Variants in GNG2 observed in about 807,000 individuals in gnomAD.
The protein encoded by GNG2 is G protein subunit gamma 2.
GNG2 carries 5 observed loss-of-function variants against 5.5 expected under a neutral mutation model. The ratio of observed to expected loss-of-function variants is 0.91; its 90% confidence interval spans 0.48 to 1.92. The LOEUF (loss-of-function observed/expected upper bound fraction) is 1.92. GNG2 is among the 30% of genes most tolerant of loss of function. The probability of loss-of-function intolerance (pLI) is 0.01; values close to 1 mark genes in which losing one functional copy is unlikely to be tolerated. For synonymous variants in GNG2, 28 were observed against 32.0 expected (o/e 0.88, Z 0.42); for missense variants, 55 against 88.4 (o/e 0.62, Z 1.52).
intron 2 of GNG2, among the ~76,000 whole-genome samples, chr14:51,908,811 C>T (rs1886119007): frequency 6.9e-6 from 1 of 144,328 alleles, no homozygotes; most frequent in South Asian, 2.2e-4. Flanking sequence ...AACTCCTGAC[C>T]CAGTGGTCTA....
chr14:51,931,352 C>T (rs1887648031), intron 2 of GNG2, among the ~76,000 whole-genome samples: 1 of 152,074 alleles, frequency 6.6e-6, no homozygotes, highest in South Asian at 2.1e-4. Context: ...ATGGGAAAGA[C>T]TGTAAGAAGA....
chr14:51,930,518 C>T (rs1333518206), intron 2 of GNG2, among the ~76,000 whole-genome samples: 1 of 152,238 alleles, frequency 6.6e-6, no homozygotes, highest in African/African-American at 2.4e-5. Flanking sequence ...GTCACGTCAC[C>T]TGATCTCTCT....
At chr14:51,827,825 G>A in intron 2 of GNG2, 1 of 675,950 alleles carries the variant, frequency 1.5e-6, no homozygotes, top group Non-Finnish European at 2.7e-6. Flanking sequence ...TCAACAAATG[G>A]TGATGGAAGG....
At position 51,968,914 on chromosome 14, in the gene GNG2, A is replaced by G. The variant is rs895962539; in HGVS notation, c.*2227A>G. 1 of 152,200 alleles carries G rather than the reference A, an allele frequency of 6.6e-6. No homozygotes were observed. The highest frequency in any genetic ancestry group is 1.5e-5 in the Non-Finnish European group (1 of 68,034). 9.4% of individuals were successfully genotyped at this position (152,200 alleles called of 1,614,324 possible). A position where few individuals can be genotyped will look rare whatever the true frequency, so the allele number is the denominator to read the frequency against. On this transcript the variant is annotated 3_prime_UTR_variant, in exon 4 of 4. Coordinates refer to ENST00000556766, the MANE Select transcript of GNG2 (RefSeq NM_053064.5). ...GTAAATCTAGATCTTTGGAGCAATT[A>G]AGATGGAATTACAATTTCTAGGGAG...
At chr14:51,851,608 T>C (rs1881911650) in intron 2 of GNG2, among the ~76,000 whole-genome samples, 1 of 152,238 alleles carries the variant, frequency 6.6e-6, no homozygotes, top group African/African-American at 2.4e-5. Context: ...AAAGATGTTT[T>C]TATTTTCCCA....
At chr14:51,845,541 G>T (rs1881599696) in intron 2 of GNG2, among the ~76,000 whole-genome samples, 1 of 152,078 alleles carries the variant, frequency 6.6e-6, no homozygotes, top group South Asian at 2.1e-4. Flanking sequence ...AGATCTTAGA[G>T]GCAATCTTGC....
At chr14:51,862,800 A>T (rs1472948705) in intron 1 of GNG2, among the ~76,000 whole-genome samples, 1 of 152,258 alleles carries the variant, frequency 6.6e-6, no homozygotes, top group Non-Finnish European at 1.5e-5. Context: ...AACATTAGTG[A>T]GTAACAGCAG....
chr14:51,929,260 A>T (rs1279465007), intron 2 of GNG2, among the ~76,000 whole-genome samples: 1 of 152,188 alleles, frequency 6.6e-6, no homozygotes, highest in Non-Finnish European at 1.5e-5. Context: ...TTTCCTTTCC[A>T]GCTATTTTAA....
intron 2 of GNG2, among the ~76,000 whole-genome samples, chr14:51,835,885 C>T (rs1357014192): frequency 6.6e-6 from 1 of 151,960 alleles, no homozygotes; most frequent in East Asian, 1.9e-4. Flanking sequence ...TTTAAATGTC[C>T]AGTCTTAGAA....
chr14:51,936,184 T>G (rs1055129083), intron 2 of GNG2, among the ~76,000 whole-genome samples: 1 of 152,230 alleles, frequency 6.6e-6, no homozygotes, highest in African/African-American at 2.4e-5. Context: ...TAAAGTGTAT[T>G]AAATCAGTGG....
At chr14:51,858,217 G>A (rs202054452), upstream of GNG2, among the ~76,000 whole-genome samples, 11 of 51,966 alleles carry the variant, frequency 2.1e-4, no homozygotes, top group African/African-American at 5.3e-4. Flanking sequence ...AATCTATCCT[G>A]GCCAAGCTAT....
At chr14:51,957,992 G>T (rs967548507) in intron 3 of GNG2, among the ~76,000 whole-genome samples, 1 of 152,140 alleles carries the variant, frequency 6.6e-6, no homozygotes, top group Non-Finnish European at 1.5e-5. Flanking sequence ...TTCACTACCT[G>T]ACTAATGTGT....
At chr14:51,942,214 G>A (rs1440194861) in intron 2 of GNG2, among the ~76,000 whole-genome samples, 1 of 152,216 alleles carries the variant, frequency 6.6e-6, no homozygotes, top group East Asian at 1.9e-4. Context: ...AACCCAGTTA[G>A]TTGAAAGTTT....
chr14:51,917,107 A>T (rs1886692670), intron 2 of GNG2, among the ~76,000 whole-genome samples: 1 of 152,136 alleles, frequency 6.6e-6, no homozygotes, highest in South Asian at 2.1e-4. Context: ...GAAAAACGCG[A>T]TTTAATGGAC....
intron 2 of GNG2, among the ~76,000 whole-genome samples, chr14:51,834,043 G>A (rs777314430): frequency 1.3e-5 from 2 of 152,122 alleles, no homozygotes; most frequent in Non-Finnish European, 2.9e-5. Context: ...CTGCTCTCTG[G>A]ACAATTTCTA....
chr14:51,966,231 A>AAAAAAAAT (rs61013183), intron 3 of GNG2, among the ~76,000 whole-genome samples: 1 of 108,576 alleles, frequency 9.2e-6, no homozygotes. Flanking sequence ...AAAAAAAAAA[A>AAAAAAAAT]AAAAAACAAA....
chr14:51,956,165 A>G (rs911399715), intron 3 of GNG2, among the ~76,000 whole-genome samples: 1 of 152,128 alleles, frequency 6.6e-6, no homozygotes, highest in Admixed American at 6.5e-5. Flanking sequence ...CCAACTCTTC[A>G]TTTATATCCT....
chr14:51,831,100 C>G (rs1321909546), intron 2 of GNG2, among the ~76,000 whole-genome samples: 2 of 152,306 alleles, frequency 1.3e-5, no homozygotes, highest in East Asian at 3.9e-4. Context: ...AAATGCTCCT[C>G]CTCCAGATCT....
intron 1 of GNG2, among the ~76,000 whole-genome samples, chr14:51,827,056 G>A (rs978697392): frequency 1.3e-5 from 2 of 152,200 alleles, no homozygotes; most frequent in Non-Finnish European, 2.9e-5. Flanking sequence ...AGGTGGGCAG[G>A]TAAGGAAGGG....
Sources: allele counts gnomAD v4.1 joint callset (sites outside exome capture counted in the v4.1 genomes callset), GRCh38; gene constraint gnomAD v4.1.1; transcripts MANE v1.5; gene names NCBI Gene and HGNC (gene_info 2026-07-23, HGNC 2026-07-21).